IL31RA: variants seen among roughly 807,000 people sequenced by gnomAD.
IL31RA encodes the protein interleukin-31 receptor subunit alpha.
In IL31RA, 66 loss-of-function variants were observed where a neutral mutation model predicts 83.7. The observed-to-expected ratio is 0.79, with a 90% confidence interval of 0.65 to 0.97. IL31RA has a LOEUF of 0.97. Among genes scored for constraint, IL31RA ranks in the 50% least tolerant of loss-of-function variants. The pLI is 0.00. For synonymous variants in IL31RA, 325 were observed against 329.0 expected, an observed-to-expected ratio of 0.99 and a Z score of 0.13; for missense variants, 798 against 919.4, an observed-to-expected ratio of 0.87 and a Z score of 1.71.
chr5:55,898,762 G>C (rs1748619775), intron 7 of IL31RA, among the ~76,000 whole-genome samples: 2 of 151,828 alleles, frequency 1.3e-5, no homozygotes, highest in Admixed American at 6.6e-5. Flanking sequence ...CGTGGACTGG[G>C]CCGGTAATCC....
In IL31RA at chr5:55,906,912, C is replaced by T. The variant is rs114379198; in HGVS notation, c.1253-447C>T. ...TGAGGCTTTACCCTTTTAATCCTGT[C>T]ACCACAATCATTTCTTAATGCTTCA... On this transcript the variant is annotated intron_variant, in intron 9 of 14. Coordinates refer to ENST00000652347, the MANE Select transcript of IL31RA (RefSeq NM_139017.7). Among the ~76,000 whole-genome samples, 395 of 152,262 alleles carry T rather than the reference C, an allele frequency of 2.6e-3. 4 individuals carry two copies. Among genetic ancestry groups the T allele is most frequent in the African/African-American group, 9.2e-3 (383 of 41,540 alleles).
chr5:55,886,712 G>A (rs1747639457), intron 5 of IL31RA, among the ~76,000 whole-genome samples: 1 of 152,170 alleles, frequency 6.6e-6, no homozygotes, highest in Non-Finnish European at 1.5e-5. Flanking sequence ...GTGAGACCTG[G>A]CATCTACCGA....
chr5:55,846,021 C>G, the IL31RA span, among the ~76,000 whole-genome samples: 2 of 152,136 alleles, frequency 1.3e-5, no homozygotes, highest in African/African-American at 4.8e-5. Context: ...TTATACTTGT[C>G]CACACTGAGC....
At chr5:55,893,834 CG>C (rs1194731834) in intron 6 of IL31RA, among the ~76,000 whole-genome samples, 1 of 126,526 alleles carries the variant, frequency 7.9e-6, no homozygotes, top group Non-Finnish European at 1.6e-5. Context: ...TTTTTTGAGA[CG>C]GGGTCTCACT....
chr5:55,867,180 C>G (rs1480133699), intron 2 of IL31RA, among the ~76,000 whole-genome samples: 1 of 23,672 alleles, frequency 4.2e-5, no homozygotes, highest in Non-Finnish European at 9.1e-5. Flanking sequence ...TGTGTGTGTG[C>G]ATGTGTGTTT....
At chr5:55,847,240 AATAAAAATAAATAAATAAAT>A (rs1433092009), upstream of IL31RA, among the ~76,000 whole-genome samples, 3 of 14,190 alleles carry the variant, frequency 2.1e-4, no homozygotes, top group African/African-American at 6.2e-4. Context: ...AAAAAAAAAA[AATAAAAATAAATAAATAAAT>A]AAATAAATAA....
At chr5:55,865,733 C>G (rs147428732) in intron 2 of IL31RA, among the ~76,000 whole-genome samples, 172 of 152,276 alleles carry the variant, frequency 1.1e-3, no homozygotes, top group African/African-American at 3.8e-3. Context: ...GAAAGTCAGG[C>G]AAGGGTGAGA....
intron 8 of IL31RA, 63 bp downstream of exon 8, chr5:55,900,195 C>A (rs1148039): frequency 1.6e-5 from 19 of 1,166,820 alleles, no homozygotes; most frequent in Non-Finnish European, 2.3e-5. Flanking sequence ...AGGAGCAGTC[C>A]CTGTGCTCTC....
rs1011692609 is a variant in IL31RA, at chr5:55,898,043, G to T, written c.852+1614G>T. ...CTCCCTGGGTTGCGGAGGCGGTGCT[G>T]CCGCCGCATGGGACAACAGCCAGAG... On this transcript the variant is annotated intron_variant, in intron 7 of 14. Transcript: ENST00000652347. Among the ~76,000 whole-genome samples the T allele has an allele frequency of 2.0e-5, 3 of 152,326 alleles. No individual in the cohort carries two copies. The East Asian group carries it at 5.8e-4, about 29-fold the overall frequency.
At chr5:55,850,565 A>T (rs1745028315), upstream of IL31RA, among the ~76,000 whole-genome samples, 1 of 152,124 alleles carries the variant, frequency 6.6e-6, no homozygotes, top group Non-Finnish European at 1.5e-5. Flanking sequence ...TATTTCTTTT[A>T]AAAAATATTC....
chr5:55,880,805 C>G (rs184635664), intron 4 of IL31RA, among the ~76,000 whole-genome samples: 14 of 152,286 alleles, frequency 9.2e-5, no homozygotes, highest in Middle Eastern at 3.4e-3. Context: ...TGATCAAGAC[C>G]AGCCTTTGTC....
chr5:55,914,971 G>A (rs775207385), intron 14 of IL31RA, 43 bp downstream of exon 14: 7 of 1,410,024 alleles, frequency 5.0e-6, no homozygotes, highest in Non-Finnish European at 7.0e-6. Flanking sequence ...TGCCGTGGGA[G>A]GTAGACGAGG....
At chr5:55,906,050 T>G in intron 8 of IL31RA, 56 bp from the exon 9 acceptor site, 1 of 1,563,674 alleles carries the variant, frequency 6.4e-7, no homozygotes. Flanking sequence ...AGTGTGGTTG[T>G]TGCATTTGGG....
At chr5:55,857,097 A>T (rs1321458358) in intron 1 of IL31RA, among the ~76,000 whole-genome samples, 7 of 145,984 alleles carry the variant, frequency 4.8e-5, no homozygotes, top group African/African-American at 7.6e-5. Flanking sequence ...ACCTTTTTGC[A>T]TTTTTTTTTT....
At position 55,908,319 on chromosome 5, in the gene IL31RA, C is replaced by T. The variant is rs150630121; in HGVS notation, c.1409C>T (p.Thr470Met). Residue 470 changes from threonine (T) to methionine (M), a missense_variant, in exon 11 of 15, where the codon ACG (threonine) becomes ATG (methionine). Transcript: ENST00000652347. ...KVENIGVKTV[T>M]ITWKEIPKSE... ...GAGAACATTGGCGTGAAGACGGTCA[C>T]GATCACATGGAAAGAGATTCCCAAG... The T allele has an allele frequency of 5.0e-5, 80 of 1,614,090 alleles. No individual in the cohort carries two copies. In the South Asian group the frequency reaches 7.1e-4, roughly 14 times the overall value.
In IL31RA at chr5:55,920,839, G is replaced by C. The variant is rs530618573; in HGVS notation, c.*3719G>C. ...CCCCTTCCCATAGCTAAGGTCGAGA[G>C]TTGGTGGCTTACACCAGTGGTCTTT... is the stretch of plus-strand genomic sequence containing the variant. On this transcript the variant is annotated 3_prime_UTR_variant, in exon 15 of 15. Coordinates refer to ENST00000652347, the MANE Select transcript of IL31RA (RefSeq NM_139017.7). Among the ~76,000 whole-genome samples the C allele has an allele frequency of 6.6e-6, 1 of 152,308 alleles. No individual in the cohort carries two copies. Among genetic ancestry groups the C allele is most frequent in the Admixed American group, 6.5e-5 (1 of 15,296 alleles).
chr5:55,886,149 C>T (rs1355843104), intron 5 of IL31RA, among the ~76,000 whole-genome samples: 2 of 152,110 alleles, frequency 1.3e-5, no homozygotes, highest in Non-Finnish European at 2.9e-5. Flanking sequence ...TCTTTGCTTC[C>T]TGCCAGTCCC....
At chr5:55,905,944 A>G (rs1749122328) in intron 8 of IL31RA, among the ~76,000 whole-genome samples, 162 bp from the exon 9 acceptor site, 1 of 151,672 alleles carries the variant, frequency 6.6e-6, no homozygotes, top group African/African-American at 2.4e-5. Flanking sequence ...AGGAAAAAGG[A>G]TGCAATAAGG....
upstream of IL31RA, among the ~76,000 whole-genome samples, chr5:55,847,226 GA>G (rs57491641): frequency 0.026 from 3,042 of 118,774 alleles, 112 homozygotes; most frequent in African/African-American, 0.048. Flanking sequence ...CTGGGCAACA[GA>G]AAAAAAAAAA....
Sources: gnomAD v4.1 joint callset for allele counts (sites outside exome capture counted in the v4.1 genomes callset) on GRCh38, gnomAD v4.1.1 for gene constraint, MANE v1.5 for transcripts, NCBI Gene and HGNC (gene_info 2026-07-23, HGNC 2026-07-21) for gene names.